The following MCM4 variants were observed in gnomAD, a reference collection of about 807,000 sequenced individuals.
The protein encoded by MCM4 is minichromosome maintenance complex component 4.
In MCM4, 60 loss-of-function variants were observed where a neutral mutation model predicts 88.7. That is an observed-to-expected ratio of 0.68 (90% CI 0.55 to 0.84). The LOEUF is 0.84. Ranked by LOEUF, MCM4 falls within the 40% of genes least tolerant of loss-of-function variation. MCM4 has a pLI of 0.00. For missense variants in MCM4, 1,149 were observed against 1,105.5 expected, an observed-to-expected ratio of 1.04 and a Z score of -0.56; for synonymous variants, 465 against 410.5, an observed-to-expected ratio of 1.13 and a Z score of -1.61.
Position 47,970,822 on chromosome 8 carries a change from T to C in MCM4, c.1746T>C (p.Ser582=), listed in dbSNP as rs773599486. The change falls in exon 12 of 17, where the codon AGT becomes AGC. Residue 582 remains serine (S), a synonymous_variant. Coordinates refer to ENST00000649973, the MANE Select transcript of MCM4 (RefSeq NM_182746.3). ...ATGAGTTCGACAAGATGAATGAAAG[T>C]ACAAGATCGGTATTGCATGAAGTCA... The part of the protein sequence containing the change: ...CIDEFDKMNE[S]TRSVLHEVME... The C allele has an allele frequency of 6.2e-7, 1 of 1,613,056 alleles. No homozygotes were observed. Among genetic ancestry groups the C allele is most frequent in the South Asian group, 1.1e-5 (1 of 91,020 alleles).
rs143542836 is a variant in MCM4 at position 47,974,963 on chromosome 8, G to T, written c.2365+1G>T. 1 of 1,603,670 alleles carries T rather than the reference G, an allele frequency of 6.2e-7. No individual in the cohort carries two copies. The highest frequency in any genetic ancestry group is 8.5e-7 in the Non-Finnish European group (1 of 1,173,496). ...GTGGACATATCTATTCTTACTACGG[G>T]TTCGTTATTTTCAGTGAACAGAAAA... On this transcript the variant is annotated splice_donor_variant, in intron 15 of 16. Coordinates refer to ENST00000649973, the MANE Select transcript of MCM4 (RefSeq NM_182746.3). LOFTEE classifies it high-confidence loss of function.
intron 12 of MCM4, 52 bp downstream of exon 12, chr8:47,970,928 C>G: frequency 6.5e-7 from 1 of 1,530,228 alleles, no homozygotes; most frequent in African/African-American, 1.4e-5. Context: ...TATGTGGACC[C>G]TTGAAAGACA....
intron 7 of MCM4, 105 bp from the exon 8 acceptor site, chr8:47,964,469 G>T: frequency 1.3e-6 from 1 of 796,834 alleles, no homozygotes. Context: ...TAATACTTTG[G>T]GGACATGACA....
At position 47,974,639 on chromosome 8, in the gene MCM4, A is replaced by G. The variant is rs1488134672; in HGVS notation, c.2137-95A>G. On this transcript the variant is annotated intron_variant, in intron 14 of 16. Coordinates refer to ENST00000649973, the MANE Select transcript of MCM4 (RefSeq NM_182746.3). Reference sequence around the variant, plus strand: ...CCAGGACCATATCTGAGTTCCGTTTACTTAATGGAAGCCTAAGTGTTCAAA... The same window carrying G: ...CCAGGACCATATCTGAGTTCCGTTTGCTTAATGGAAGCCTAAGTGTTCAAA... The G allele has an allele frequency of 4.3e-6, 4 of 922,400 alleles. No individual in the cohort carries two copies. In the African/African-American group the frequency reaches 6.6e-5, roughly 15 times the overall value. The allele number at this position is 922,400 out of a possible 1,614,324, so 57.1% of individuals were successfully genotyped here.
chr8:47,961,475 T>A (rs1358679253), intron 2 of MCM4, 41 bp from the exon 3 acceptor site: 2 of 1,612,620 alleles, frequency 1.2e-6, no homozygotes, highest in Non-Finnish European at 1.7e-6. Flanking sequence ...AGGCCGGCCC[T>A]GAAAGTTAAT....
At position 47,962,339 on chromosome 8, in the gene MCM4, C is replaced by G; in HGVS notation, c.434C>G (p.Ser145Cys). 1 of 1,614,178 alleles carries G rather than the reference C, an allele frequency of 6.2e-7. No homozygotes were observed. The highest frequency in any genetic ancestry group is 8.5e-7 in the Non-Finnish European group (1 of 1,180,032). The change falls in exon 5 of 17, where the codon TCT becomes TGT. Residue 145 changes from serine to cysteine, a missense_variant. Transcript: ENST00000649973. ...GAAGATATAGTGGCAAGTGAGCAGT[C>G]TCTAGGCCAAAAACTTGTGATCTGG... ...AAEDIVASEQ[S>C]LGQKLVIWGT...
At chr8:47,966,162 G>A in intron 8 of MCM4, 25 bp from the exon 9 acceptor site, 1 of 1,579,974 alleles carries the variant, frequency 6.3e-7, no homozygotes, top group South Asian at 1.1e-5. Flanking sequence ...GGTCAGGTGT[G>A]CTGACCTCTC....
At position 47,961,636 on chromosome 8, in the gene MCM4, C is replaced by G; in HGVS notation, c.191C>G (p.Ala64Gly). ...SPGVDLQSPA[A>G]QDVLFSSPPQ... ...GGAGTGGACCTGCAGAGCCCTGCTGCGCAGGACGTGCTGTTTTCCAGCCCT... is the reference window on the plus strand; with the variant it reads ...GGAGTGGACCTGCAGAGCCCTGCTGGGCAGGACGTGCTGTTTTCCAGCCCT... Residue 64 changes from alanine (A) to glycine (G), a missense_variant, in exon 3 of 17, where the codon GCG becomes GGG. Physicochemically the swap from Ala to Gly is moderately conservative, Grantham distance 60. This residue lies in a region of MCM4 where 906 missense variants were observed against 843.0 expected (regional missense o/e 1.07). Transcript: ENST00000649973. The G allele has an allele frequency of 6.2e-7, 1 of 1,613,508 alleles. No individual in the cohort carries two copies.
In MCM4 at chr8:47,962,187, G is replaced by A. The variant is rs1468925757; in HGVS notation, c.370G>A (p.Gly124Ser). The A allele has an allele frequency of 1.2e-6, 2 of 1,614,162 alleles. No individual in the cohort carries two copies. Among genetic ancestry groups the A allele is most frequent in the East Asian group, 2.2e-5 (1 of 44,882 alleles). ...QRPDLGSAQK[G>S]LQVDLQSDGA... The stretch of plus-strand genomic sequence containing the variant: ...GCCTGACCTGGGCTCTGCACAGAAG[G>A]GCCTGCAAGTGGATCTGCAGTCTGA... The change falls in exon 4 of 17, where the codon GGC becomes AGC. Residue 124 changes from glycine to serine, a missense_variant. Physicochemically the swap from Gly to Ser is moderately conservative, Grantham distance 56. Transcript: ENST00000649973.
At chr8:47,971,938 C>T (rs1429035103) in intron 13 of MCM4, among the ~76,000 whole-genome samples, 1 of 151,046 alleles carries the variant, frequency 6.6e-6, no homozygotes, top group Non-Finnish European at 1.5e-5. Context: ...TCATTCAAAT[C>T]TTTCCATTGT....
At chr8:47,962,457 G>T in intron 5 of MCM4, 51 bp downstream of exon 5, 2 of 1,567,642 alleles carry the variant, frequency 1.3e-6, no homozygotes, top group South Asian at 2.2e-5. Context: ...AATGTTGGGA[G>T]ACCGTGTTTA....
intron 14 of MCM4, among the ~76,000 whole-genome samples, 167 bp downstream of exon 14, chr8:47,973,231 C>T (rs1021007224): frequency 6.6e-6 from 1 of 152,198 alleles, no homozygotes; most frequent in African/African-American, 2.4e-5. Flanking sequence ...AGTGCAGTGG[C>T]TTGATCTCGG....
chr8:47,976,292 C>CAAA (rs554025887), intron 16 of MCM4, among the ~76,000 whole-genome samples: 1 of 115,362 alleles, frequency 8.7e-6, no homozygotes, highest in Admixed American at 8.8e-5. Context: ...AACTCCATCT[C>CAAA]AAAAAAAAAA....
At chr8:47,962,576 G>A (rs1305788390) in intron 5 of MCM4, among the ~76,000 whole-genome samples, 170 bp downstream of exon 5, 1 of 152,096 alleles carries the variant, frequency 6.6e-6, no homozygotes, top group Non-Finnish European at 1.5e-5. Flanking sequence ...TTGAGGCCAG[G>A]AGTTTGATAG....
intron 3 of MCM4, 147 bp downstream of exon 3, chr8:47,961,827 G>C: frequency 8.8e-7 from 1 of 1,134,682 alleles, no homozygotes; most frequent in Non-Finnish European, 1.2e-6. Flanking sequence ...CAGAGGAGCT[G>C]AACGGAGTGC....
chr8:47,972,859 T>C lies in MCM4; in HGVS notation c.1931T>C (p.Phe644Ser), dbSNP rs774303052. 6.2e-7 allele frequency: 1 copy of C among 1,613,850 alleles called. No individual in the cohort carries two copies. The highest frequency in any genetic ancestry group is 1.1e-5 in the South Asian group (1 of 91,070). The change falls in exon 14 of 17, where the codon TTT (phenylalanine) becomes TCT (serine). Residue 644 changes from phenylalanine to serine, a missense_variant and splice_region_variant. Coordinates refer to ENST00000649973, the MANE Select transcript of MCM4 (RefSeq NM_182746.3). The part of the protein sequence containing the change: ...IQLPHTLLSR[F>S]DLIFLLLDPQ... ...GTATTTTTACTTTGTTTTCTTAGGT[T>C]TGATTTGATCTTCCTCTTGCTGGAC...
In MCM4 at chr8:47,976,900, T is replaced by C. The variant is rs1463294003; in HGVS notation, c.*122T>C. 1.2e-5 allele frequency: 7 copies of C among 603,112 alleles called. No homozygotes were observed. Among genetic ancestry groups the C allele is most frequent in the Non-Finnish European group, 1.8e-5 (6 of 339,414 alleles). 37.4% of individuals were successfully genotyped at this position (603,112 alleles called of 1,614,324 possible). On this transcript the variant is annotated 3_prime_UTR_variant, in exon 17 of 17. Transcript: ENST00000649973. The stretch of plus-strand genomic sequence containing the variant: ...AGCTTAAAGTCATGGTTTGGCTGCA[T>C]AAAAATTTTCTAACTTGGGTTCAAT...
At chr8:47,963,178 T>C (rs957293426) in intron 7 of MCM4, 138 bp downstream of exon 7, 3 of 578,700 alleles carry the variant, frequency 5.2e-6, no homozygotes, top group Non-Finnish European at 9.1e-6. Context: ...TTTGGCCCGG[T>C]GTGGTGGCTC....
intron 7 of MCM4, 129 bp from the exon 8 acceptor site, chr8:47,964,445 A>G (rs529475734): frequency 3.3e-6 from 2 of 603,062 alleles, no homozygotes; most frequent in Non-Finnish European, 5.5e-6. Context: ...CAGCACGTGC[A>G]TGATTCTGTA....
Sources: allele counts gnomAD v4.1 joint callset (sites outside exome capture counted in the v4.1 genomes callset), GRCh38; gene constraint gnomAD v4.1.1; regional missense constraint gnomAD v4.1.1; transcripts MANE v1.5; gene names NCBI Gene and HGNC (gene_info 2026-07-23, HGNC 2026-07-21).